The following COL26A1 variants were observed in gnomAD, a reference collection of about 807,000 sequenced individuals.
COL26A1 encodes the protein collagen type XXVI alpha 1 chain.
In COL26A1, 41 loss-of-function variants were observed where a neutral mutation model predicts 59.3. The observed-to-expected ratio is 0.69, with a 90% CI of 0.54 to 0.90. The LOEUF (loss-of-function observed/expected upper bound fraction) is 0.90, where lower values mean the gene tolerates loss of function less well. Ranked by LOEUF, COL26A1 falls within the 40% of genes least tolerant of loss-of-function variation. The pLI is 0.00. For missense variants in COL26A1, 612 were observed against 602.3 expected, an observed-to-expected ratio of 1.02 and a Z score of -0.17; for synonymous variants, 266 against 256.0, an observed-to-expected ratio of 1.04 and a Z score of -0.37.
At chr7:101,513,451 T>C (rs749332886) in intron 3 of COL26A1, among the ~76,000 whole-genome samples, 2 of 152,162 alleles carry the variant, frequency 1.3e-5, no homozygotes, top group Non-Finnish European at 2.9e-5. Context: ...CTCAGCCTCC[T>C]GAGTAGCTGA....
chr7:101,540,150 G>A, intron 5 of COL26A1, 101 bp downstream of exon 5: 1 of 1,214,666 alleles, frequency 8.2e-7, no homozygotes, highest in East Asian at 2.6e-5. Flanking sequence ...AGACACTCTA[G>A]TTCCAACATG....
chr7:101,553,474 C>G, intron 11 of COL26A1, 98 bp downstream of exon 11: 1 of 1,287,144 alleles, frequency 7.8e-7, no homozygotes. Flanking sequence ...GACCGTCAGC[C>G]AGCCCCGAGC....
intron 3 of COL26A1, among the ~76,000 whole-genome samples, chr7:101,516,621 CA>C (rs1247629101): frequency 6.6e-6 from 1 of 152,128 alleles, no homozygotes; most frequent in East Asian, 1.9e-4. Flanking sequence ...TTTTCTCAGC[CA>C]TGCAGTCTAG....
intron 1 of COL26A1, among the ~76,000 whole-genome samples, chr7:101,384,843 C>T (rs577817730): frequency 6.6e-6 from 1 of 152,228 alleles, no homozygotes; most frequent in Admixed American, 6.5e-5. Flanking sequence ...GTTCCAAAAC[C>T]TCCAAAGTAA....
intron 3 of COL26A1, among the ~76,000 whole-genome samples, chr7:101,509,444 T>C (rs574203153): frequency 1.5e-4 from 23 of 151,792 alleles, no homozygotes; most frequent in African/African-American, 5.1e-4. Context: ...AGACCCTGTC[T>C]CAAAAAAAAG....
intron 4 of COL26A1, among the ~76,000 whole-genome samples, chr7:101,539,316 G>GTA (rs1795554875): frequency 6.6e-6 from 1 of 151,106 alleles, no homozygotes; most frequent in African/African-American, 2.4e-5. Context: ...GTGTGTGTGT[G>GTA]TGTGCGTATG....
At chr7:101,506,688 G>A (rs1482873553) in intron 3 of COL26A1, among the ~76,000 whole-genome samples, 1 of 152,248 alleles carries the variant, frequency 6.6e-6, no homozygotes, top group East Asian at 1.9e-4. Context: ...CTTCTGATTA[G>A]TCAGTGGGCA....
intron 2 of COL26A1, among the ~76,000 whole-genome samples, chr7:101,439,765 A>G (rs1793006030): frequency 6.6e-6 from 1 of 151,910 alleles, no homozygotes; most frequent in Non-Finnish European, 1.5e-5. Flanking sequence ...TCAGAGGCCA[A>G]TCTTGTTTTT....
In COL26A1 at chr7:101,434,266, T is replaced by C. The variant is rs556832388; in HGVS notation, c.282-13418T>C. On this transcript the variant is annotated intron_variant, in intron 2 of 12. Transcript: ENST00000313669. ...TCCTGTCTCTCTCTTTCTCTTTGTC[T>C]TTGTAGAGACAGGGTCTTGCTCTGT... is the stretch of plus-strand genomic sequence containing the variant. Among the ~76,000 whole-genome samples the C allele has an allele frequency of 4.2e-5, 6 of 142,910 alleles. No individual in the cohort carries two copies. In the East Asian group the frequency reaches 1.3e-3, roughly 31 times the overall value. The allele number at this position is 142,910 out of a possible 152,430, so 93.8% of individuals were successfully genotyped here.
intron 1 of COL26A1, among the ~76,000 whole-genome samples, chr7:101,415,640 T>C (rs1409512898): frequency 6.6e-6 from 1 of 152,034 alleles, no homozygotes; most frequent in East Asian, 1.9e-4. Flanking sequence ...TTTTGTTTTG[T>C]TTTGTTTTGA....
At chr7:101,516,502 G>A (rs1795031478) in intron 3 of COL26A1, among the ~76,000 whole-genome samples, 1 of 151,942 alleles carries the variant, frequency 6.6e-6, no homozygotes, top group Non-Finnish European at 1.5e-5. Context: ...AAACTCCTGG[G>A]CTCAAGTGAT....
At chr7:101,419,778 G>A (rs10254310) in intron 1 of COL26A1, among the ~76,000 whole-genome samples, 199 bp from the exon 2 acceptor site, 119,487 of 152,062 alleles carry the variant, frequency 0.79, 47,642 homozygotes, top group Middle Eastern at 0.9. Context: ...AATGATGCCA[G>A]GGCTTGGTGG....
At chr7:101,378,386 G>A (rs540585468) in intron 1 of COL26A1, among the ~76,000 whole-genome samples, 2 of 152,196 alleles carry the variant, frequency 1.3e-5, no homozygotes, top group African/African-American at 4.8e-5. Context: ...AATTTGAAAT[G>A]CCACTTTTAT....
chr7:101,512,296 A>T (rs1281353887), intron 3 of COL26A1, among the ~76,000 whole-genome samples: 1 of 151,984 alleles, frequency 6.6e-6, no homozygotes, highest in African/African-American at 2.4e-5. Context: ...TCTTCTGTGT[A>T]CTCTGGATGG....
intron 2 of COL26A1, among the ~76,000 whole-genome samples, chr7:101,433,954 A>G (rs551137089): frequency 5.3e-5 from 8 of 151,912 alleles, no homozygotes; most frequent in Admixed American, 4.6e-4. Context: ...GAATGCGTTC[A>G]TCTTCTTGTG....
intron 2 of COL26A1, among the ~76,000 whole-genome samples, chr7:101,445,191 C>T (rs866696318): frequency 5.3e-5 from 8 of 152,102 alleles, no homozygotes; most frequent in African/African-American, 1.7e-4. Flanking sequence ...TTATGGGTTA[C>T]AAGTGCAACC....
intron 3 of COL26A1, among the ~76,000 whole-genome samples, chr7:101,450,179 C>G (rs1793296909): frequency 6.6e-6 from 1 of 151,446 alleles, no homozygotes. Context: ...ACACATGGGG[C>G]AGGCCGGGCA....
At chr7:101,473,226 C>T (rs1265116809) in intron 3 of COL26A1, among the ~76,000 whole-genome samples, 2 of 151,968 alleles carry the variant, frequency 1.3e-5, no homozygotes, top group Non-Finnish European at 2.9e-5. Flanking sequence ...ACTACAGGCG[C>T]CCGCCACCAC....
At chr7:101,469,924 G>T (rs59296443) in intron 3 of COL26A1, among the ~76,000 whole-genome samples, 1 of 152,076 alleles carries the variant, frequency 6.6e-6, no homozygotes, top group Non-Finnish European at 1.5e-5. Flanking sequence ...AGAGATGCAC[G>T]TGAAGTGGCG....
Sources: allele counts gnomAD v4.1 joint callset (sites outside exome capture counted in the v4.1 genomes callset), GRCh38; gene constraint gnomAD v4.1.1; transcripts MANE v1.5; gene names NCBI Gene and HGNC (gene_info 2026-07-23, HGNC 2026-07-21).